The following CARM1 variants were observed in gnomAD, a reference collection of about 807,000 sequenced individuals.
CARM1 encodes the protein coactivator associated arginine methyltransferase 1.
In CARM1, 14 loss-of-function variants were observed where a neutral mutation model predicts 72.7. The ratio of observed to expected loss-of-function variants is 0.19; its 90% confidence interval spans 0.13 to 0.30. The LOEUF (loss-of-function observed/expected upper bound fraction) is 0.30, where lower values mean the gene tolerates loss of function less well. Among genes scored for constraint, CARM1 ranks in the 10% least tolerant of loss-of-function variants. The probability of loss-of-function intolerance (pLI) is 1.00; values close to 1 mark genes in which losing one functional copy is unlikely to be tolerated. For missense variants in CARM1, 432 were observed against 833.7 expected (o/e 0.52, Z 5.93); for synonymous variants, 333 against 345.5 (o/e 0.96, Z 0.40).
At chr19:10,914,222 C>T (rs2074177578) in intron 6 of CARM1, among the ~76,000 whole-genome samples, 168 bp downstream of exon 6, 1 of 152,218 alleles carries the variant, frequency 6.6e-6, no homozygotes, top group African/African-American at 2.4e-5. Context: ...CCAGCTGTGG[C>T]TTTTGGAGCC....
intron 8 of CARM1, among the ~76,000 whole-genome samples, chr19:10,917,909 G>A (rs908455619): frequency 1.3e-5 from 2 of 151,742 alleles, no homozygotes; most frequent in Admixed American, 6.6e-5. Context: ...ATGGGGTTTC[G>A]CCATGTTGGC....
rs1169565864 is a variant in CARM1 at position 10,873,624 on chromosome 19, G to GTTTT, written c.220+1732_220+1735dup. Reference sequence around the variant, plus strand: ...TTTTTTTTAGAACAATTTTAGTTTAGTTTTTTTTTTTTTTTTTTTTTTTTT... The same window carrying GTTTT: ...TTTTTTTTAGAACAATTTTAGTTTAGTTTTTTTTTTTTTTTTTTTTTTTTTTTTT... On this transcript the variant is annotated intron_variant, in intron 1 of 15. Coordinates refer to ENST00000327064, the MANE Select transcript of CARM1 (RefSeq NM_199141.2). Among the ~76,000 whole-genome samples, 292 of 47,356 alleles carry GTTTT rather than the reference G, an allele frequency of 6.2e-3. 26 individuals are homozygous for GTTTT. The highest frequency in any genetic ancestry group is 0.016 in the East Asian group (18 of 1,134). The allele number at this position is 47,356 out of a possible 152,430, so 31.1% of individuals were successfully genotyped here.
intron 5 of CARM1, among the ~76,000 whole-genome samples, chr19:10,913,555 A>C (rs1325499260): frequency 6.6e-6 from 1 of 150,570 alleles, no homozygotes; most frequent in Non-Finnish European, 1.5e-5. Context: ...AAAAAAAAAT[A>C]GTTTTTTTTT....
intron 1 of CARM1, among the ~76,000 whole-genome samples, chr19:10,902,023 C>T (rs900099038): frequency 2.6e-5 from 4 of 152,052 alleles, no homozygotes; most frequent in Admixed American, 6.6e-5. Flanking sequence ...GCAGACAGAG[C>T]GCTTGAGCTC....
Position 10,915,924 on chromosome 19 carries a change from G to A in CARM1, c.848-483G>A, listed in dbSNP as rs1025099399. On this transcript the variant is annotated intron_variant, in intron 6 of 15. Coordinates refer to ENST00000327064, the MANE Select transcript of CARM1 (RefSeq NM_199141.2). The surrounding 1 kb of genome is among the most constrained non-coding windows in gnomAD (Gnocchi z 4.6). The stretch of plus-strand genomic sequence containing the variant: ...GAACCTAGGCAGTCCCTGTGGTGTG[G>A]ATTTGGCTTCCCCCACCTGGCTCTT... Among the ~76,000 whole-genome samples, 1 of 152,226 alleles carries A rather than the reference G, an allele frequency of 6.6e-6. No homozygotes were observed. The highest frequency in any genetic ancestry group is 1.5e-5 in the Non-Finnish European group (1 of 68,030).
At chr19:10,886,170 C>T (rs1215273232) in intron 1 of CARM1, among the ~76,000 whole-genome samples, 1 of 151,674 alleles carries the variant, frequency 6.6e-6, no homozygotes, top group African/African-American at 2.4e-5. Flanking sequence ...GATTGTCCTG[C>T]CTCAGCCTCC....
At chr19:10,914,641 C>T (rs1371741140) in intron 6 of CARM1, among the ~76,000 whole-genome samples, 1 of 152,126 alleles carries the variant, frequency 6.6e-6, no homozygotes, top group Non-Finnish European at 1.5e-5. Flanking sequence ...CTGCAACCTG[C>T]ACCTCCCCAG....
intron 1 of CARM1, among the ~76,000 whole-genome samples, chr19:10,873,172 T>C (rs1458536700): frequency 2.0e-5 from 3 of 152,066 alleles, no homozygotes; most frequent in Non-Finnish European, 4.4e-5. Flanking sequence ...GCAAAACCTA[T>C]TCACTGGGCA....
At chr19:10,919,541 C>T (rs1282003203) in intron 8 of CARM1, 54 bp from the exon 9 acceptor site, 2 of 1,321,266 alleles carry the variant, frequency 1.5e-6, no homozygotes, top group Admixed American at 1.7e-5. Flanking sequence ...GGGCTCTCCC[C>T]TCCCATGCTG....
chr19:10,903,267 C>T (rs940281694), intron 1 of CARM1, among the ~76,000 whole-genome samples: 37 of 152,094 alleles, frequency 2.4e-4, no homozygotes, highest in African/African-American at 8.5e-4. Context: ...ATTACTGTAC[C>T]TTCGTAGTAA....
chr19:10,912,573 T>TA lies in CARM1; in HGVS notation c.669+285dup, dbSNP rs1404693937. Reference sequence around the variant, plus strand: ...TTCACAAAGTTCAAAACATAAAAGCTAAAAAAGAGCAGACAGCGTGCTCTC... The same window carrying TA: ...TTCACAAAGTTCAAAACATAAAAGCTAAAAAAAGAGCAGACAGCGTGCTCTC... On this transcript the variant is annotated intron_variant, in intron 5 of 15. Coordinates refer to ENST00000327064, the MANE Select transcript of CARM1 (RefSeq NM_199141.2). This position sits in a 1 kb window ranked among gnomAD's most constrained non-coding sequence, Gnocchi z 4.5. Among the ~76,000 whole-genome samples the TA allele has an allele frequency of 1.3e-5, 2 of 151,278 alleles. No homozygotes were observed. Among genetic ancestry groups the TA allele is most frequent in the African/African-American group, 4.9e-5 (2 of 41,122 alleles).
In CARM1 at chr19:10,915,381, AG is replaced by A. The variant is rs2074187013; in HGVS notation, c.848-1025del. Among the ~76,000 whole-genome samples the A allele has an allele frequency of 6.6e-6, 1 of 152,100 alleles. No homozygotes were observed. Among genetic ancestry groups the A allele is most frequent in the Non-Finnish European group, 1.5e-5 (1 of 67,994 alleles). ...CTGCATGTGCCCCCGACGTCCCAGC[AG>A]CCAGCTTGCAGGGAGGGGGGAGGCC... On this transcript the variant is annotated intron_variant, in intron 6 of 15. Coordinates refer to ENST00000327064, the MANE Select transcript of CARM1 (RefSeq NM_199141.2). This position sits in a 1 kb window ranked among gnomAD's most constrained non-coding sequence, Gnocchi z 4.6.
rs758515679 is a variant in CARM1 at position 10,916,399 on chromosome 19, A to T, written c.848-8A>T. 20 of 1,604,676 alleles carry T rather than the reference A, an allele frequency of 1.2e-5. No individual in the cohort carries two copies. The highest frequency in any genetic ancestry group is 1.6e-5 in the Non-Finnish European group (19 of 1,172,108). ...TGACGCCAGCACCCCTCCCTGCCCC[A>T]CTCCCAGGAAACATGTTTCCTACCA... On this transcript the variant is annotated splice_region_variant and splice_polypyrimidine_tract_variant and intron_variant, in intron 6 of 15. Transcript: ENST00000327064. This position sits in a 1 kb window ranked among gnomAD's most constrained non-coding sequence, Gnocchi z 4.4.
chr19:10,914,074 C>T lies in CARM1; in HGVS notation c.847+20C>T. ...CCAGCGGTGAGCACTGGGGGGTACACAGGCCAGGCCCCTCGGTGGAGGCCC... is the reference window on the plus strand; with the variant it reads ...CCAGCGGTGAGCACTGGGGGGTACATAGGCCAGGCCCCTCGGTGGAGGCCC... On this transcript the variant is annotated intron_variant, in intron 6 of 15. Coordinates refer to ENST00000327064, the MANE Select transcript of CARM1 (RefSeq NM_199141.2). 4 of 1,596,482 alleles carry T rather than the reference C, an allele frequency of 2.5e-6. No homozygotes were observed. The South Asian group carries it at 3.4e-5, about 13-fold the overall frequency.
At chr19:10,883,885 G>A (rs574711612) in intron 1 of CARM1, among the ~76,000 whole-genome samples, 3 of 152,092 alleles carry the variant, frequency 2.0e-5, no homozygotes, top group Admixed American at 1.3e-4. Context: ...GGGCGCGGTG[G>A]TGTGCGCCTG....
At position 10,921,860 on chromosome 19, in the gene CARM1, C is replaced by A; in HGVS notation, c.*103C>A. On this transcript the variant is annotated 3_prime_UTR_variant, in exon 16 of 16. Coordinates refer to ENST00000327064, the MANE Select transcript of CARM1 (RefSeq NM_199141.2). ...CCTTGTACTGGAGAAGCTCGAACAC[C>A]CGGTCACAGCTCTCTTTGCTATGGG... 1 of 1,123,714 alleles carries A rather than the reference C, an allele frequency of 8.9e-7. No individual in the cohort carries two copies. Among genetic ancestry groups the A allele is most frequent in the Non-Finnish European group, 1.3e-6 (1 of 790,700 alleles). The allele number at this position is 1,123,714 out of a possible 1,614,324, so 69.6% of individuals were successfully genotyped here. A position where few individuals can be genotyped will look rare whatever the true frequency, so the allele number is the denominator to read the frequency against.
At chr19:10,877,392 C>T (rs1014405509) in intron 1 of CARM1, among the ~76,000 whole-genome samples, 1 of 152,112 alleles carries the variant, frequency 6.6e-6, no homozygotes, top group African/African-American at 2.4e-5. Context: ...GGCCTATGGG[C>T]CACATTGAGC....
At chr19:10,885,171 CCCTGTCTGTT>C (rs1215054144) in intron 1 of CARM1, among the ~76,000 whole-genome samples, 1 of 152,216 alleles carries the variant, frequency 6.6e-6, no homozygotes, top group Non-Finnish European at 1.5e-5. Context: ...GCCCCTCTTT[CCCTGTCTGTT>C]CCTCTCATCA....
chr19:10,891,678 G>A (rs892013786), intron 1 of CARM1, among the ~76,000 whole-genome samples: 4 of 152,214 alleles, frequency 2.6e-5, no homozygotes, highest in African/African-American at 4.8e-5. Context: ...TTGCGTAGAC[G>A]CCGGCCCTCC....
Sources: allele counts gnomAD v4.1 joint callset (sites outside exome capture counted in the v4.1 genomes callset), GRCh38; gene constraint gnomAD v4.1.1; non-coding constraint Gnocchi (gnomAD v3.1); transcripts MANE v1.5; gene names NCBI Gene and HGNC (gene_info 2026-07-23, HGNC 2026-07-21).